Variants in PTGES3 observed in about 807,000 individuals in gnomAD.
The protein encoded by PTGES3 is Hsp90 co-chaperone.
A neutral mutation model predicts 29.9 loss-of-function variants in PTGES3; 5 were observed. That is an observed-to-expected ratio of 0.17 (90% CI 0.09 to 0.35). The LOEUF (loss-of-function observed/expected upper bound fraction) is 0.35, where lower values mean the gene tolerates loss of function less well. PTGES3 is among the 10% of genes least tolerant of loss of function. The pLI, the probability that PTGES3 is intolerant of heterozygous loss-of-function variation, is 1.00. For missense variants in PTGES3, 128 were observed against 190.0 expected (o/e 0.67, Z 1.92); for synonymous variants, 49 against 57.8 (o/e 0.85, Z 0.69).
At chr12:56,679,476 G>A (rs1952427768) in intron 1 of PTGES3, among the ~76,000 whole-genome samples, 1 of 149,164 alleles carries the variant, frequency 6.7e-6, no homozygotes, top group Admixed American at 6.7e-5. Flanking sequence ...TTTGCTTTAA[G>A]TAGATTATTT....
intron 1 of PTGES3, among the ~76,000 whole-genome samples, chr12:56,682,581 A>T (rs993995805): frequency 2.6e-5 from 4 of 151,916 alleles, no homozygotes; most frequent in African/African-American, 9.7e-5. Context: ...TTCCCGGAAA[A>T]CCGCAAGTTC....
intron 1 of PTGES3, among the ~76,000 whole-genome samples, chr12:56,681,125 G>C (rs1337569738): frequency 6.6e-6 from 1 of 152,032 alleles, no homozygotes. Flanking sequence ...TTTTGCTCTT[G>C]TTGTCCAGAC....
Position 56,663,801 on chromosome 12 carries a change from G to C in PTGES3, c.*678C>G, listed in dbSNP as rs867076221. The C allele has an allele frequency of 6.6e-6, 1 of 152,610 alleles. No homozygotes were observed. The highest frequency in any genetic ancestry group is 1.5e-5 in the Non-Finnish European group (1 of 68,060). 9.5% of individuals were successfully genotyped at this position (152,610 alleles called of 1,614,324 possible). ...CTGGACTAAATGTACAGACTCTCAA[G>C]CAACAATGTACAGCTTTCTTCGTCC... On this transcript the variant is annotated 3_prime_UTR_variant, in exon 8 of 8. Transcript: ENST00000262033.
At position 56,666,191 on chromosome 12, in the gene PTGES3, T is replaced by C. The variant is rs921690200; in HGVS notation, c.438+13A>G. 6.2e-7 allele frequency: 1 copy of C among 1,602,216 alleles called. No individual in the cohort carries two copies. On this transcript the variant is annotated intron_variant, in intron 6 of 7. Transcript: ENST00000262033. ...GTATGAAAGTAAACAGAAAAAAGAA[T>C]TTTTAGACTTACATCATCTGCTCCA...
At chr12:56,679,841 A>G (rs1000460750) in intron 1 of PTGES3, among the ~76,000 whole-genome samples, 1 of 151,844 alleles carries the variant, frequency 6.6e-6, no homozygotes, top group Non-Finnish European at 1.5e-5. Context: ...TGCCCGGCTA[A>G]TTTTTGTATT....
intron 1 of PTGES3, among the ~76,000 whole-genome samples, chr12:56,677,500 T>C (rs765987215): frequency 6.6e-6 from 1 of 152,130 alleles, no homozygotes; most frequent in Non-Finnish European, 1.5e-5. Flanking sequence ...AGCAGCCTAG[T>C]AGCTATTGGA....
Position 56,664,250 on chromosome 12 carries a change from T to C in PTGES3, c.*229A>G. 4.8e-6 allele frequency: 2 copies of C among 419,976 alleles called. No individual in the cohort carries two copies. Among genetic ancestry groups the C allele is most frequent in the South Asian group, 6.4e-5 (2 of 31,136 alleles). The allele number at this position is 419,976 out of a possible 1,614,324, so 26.0% of individuals were successfully genotyped here. On this transcript the variant is annotated 3_prime_UTR_variant, in exon 8 of 8. Transcript: ENST00000262033. ...AACAGCTTCATGAAAGTCTGGGAAA[T>C]GTTCATGCATAAGGTTATTGCCTTA... is the stretch of plus-strand genomic sequence containing the variant.
chr12:56,680,725 G>C (rs770838078), intron 1 of PTGES3, among the ~76,000 whole-genome samples: 6 of 151,652 alleles, frequency 4.0e-5, no homozygotes, highest in Non-Finnish European at 8.8e-5. Flanking sequence ...GTTTATTCCT[G>C]ATTCAGGATA....
intron 1 of PTGES3, among the ~76,000 whole-genome samples, chr12:56,674,430 G>T (rs182385110): frequency 6.6e-6 from 1 of 152,166 alleles, no homozygotes; most frequent in Non-Finnish European, 1.5e-5. Context: ...GGTGGCTCAC[G>T]CCTGTAATCC....
intron 1 of PTGES3, among the ~76,000 whole-genome samples, chr12:56,675,098 G>A (rs916889136): frequency 4.7e-5 from 7 of 150,362 alleles, no homozygotes; most frequent in African/African-American, 7.3e-5. Flanking sequence ...TCAGGAGTTC[G>A]AGACCAGCCT....
intron 1 of PTGES3, among the ~76,000 whole-genome samples, chr12:56,683,263 C>CA (rs951037245): frequency 3.3e-5 from 5 of 150,862 alleles, no homozygotes; most frequent in African/African-American, 1.2e-4. Context: ...GGCGGGTGAT[C>CA]ACCTGAAGTC....
intron 1 of PTGES3, among the ~76,000 whole-genome samples, chr12:56,679,892 C>G (rs1331293562): frequency 6.6e-6 from 1 of 151,980 alleles, no homozygotes; most frequent in African/African-American, 2.4e-5. Context: ...CAAGGCTGAT[C>G]TTTAACTCCT....
chr12:56,683,965 A>AC (rs901448617), intron 1 of PTGES3, among the ~76,000 whole-genome samples: 12 of 146,052 alleles, frequency 8.2e-5, no homozygotes, highest in Admixed American at 4.1e-4. Context: ...CTCAAAAAAA[A>AC]AAAAAACAAA....
chr12:56,686,611 A>C (rs1952870943), intron 1 of PTGES3, among the ~76,000 whole-genome samples: 1 of 151,798 alleles, frequency 6.6e-6, no homozygotes, highest in Non-Finnish European at 1.5e-5. Context: ...TCCCGACCTC[A>C]GGTGATCCGC....
At chr12:56,686,508 G>A (rs1240376811) in intron 1 of PTGES3, among the ~76,000 whole-genome samples, 1 of 152,068 alleles carries the variant, frequency 6.6e-6, no homozygotes, top group Non-Finnish European at 1.5e-5. Flanking sequence ...CCGAGTAGCT[G>A]GGATTACAGG....
At chr12:56,672,865 A>G (rs565490949) in intron 2 of PTGES3, 56 bp from the exon 3 acceptor site, 5 of 1,550,782 alleles carry the variant, frequency 3.2e-6, no homozygotes, top group African/African-American at 1.4e-5. Flanking sequence ...AAGATTAATA[A>G]TAACTTCAAT....
intron 1 of PTGES3, among the ~76,000 whole-genome samples, chr12:56,682,612 G>A (rs974820583): frequency 6.6e-6 from 1 of 151,668 alleles, no homozygotes; most frequent in Admixed American, 6.6e-5. Flanking sequence ...CAAGGATCGG[G>A]TGCAGCAGCT....
chr12:56,683,489 A>AAAAAAAAAAAAC, intron 1 of PTGES3, among the ~76,000 whole-genome samples: 1 of 145,556 alleles, frequency 6.9e-6, no homozygotes, highest in African/African-American at 2.5e-5. Flanking sequence ...AAAAAAAAAA[A>AAAAAAAAAAAAC]AAAAAAAAAA....
intron 5 of PTGES3, among the ~76,000 whole-genome samples, chr12:56,668,347 G>C (rs375629722): frequency 6.6e-6 from 1 of 152,176 alleles, no homozygotes; most frequent in African/African-American, 2.4e-5. Flanking sequence ...AAGATAAACA[G>C]CAAGAGAAAA....
Sources: allele counts gnomAD v4.1 joint callset (sites outside exome capture counted in the v4.1 genomes callset), GRCh38; gene constraint gnomAD v4.1.1; transcripts MANE v1.5; gene names NCBI Gene and HGNC (gene_info 2026-07-23, HGNC 2026-07-21).